GPHN: variants seen among roughly 807,000 people sequenced by gnomAD.
GPHN encodes gephyrin.
Under a neutral mutation model 95.5 loss-of-function variants are expected in GPHN, and 17 were observed. The ratio of observed to expected loss-of-function variants is 0.18; its 90% confidence interval spans 0.12 to 0.27. The LOEUF (loss-of-function observed/expected upper bound fraction) is 0.27. Among genes scored for constraint, GPHN ranks in the 10% least tolerant of loss-of-function variants. GPHN has a pLI of 1.00. For missense variants in GPHN, 660 were observed against 978.1 expected (o/e 0.67, Z 4.34); for synonymous variants, 320 against 322.5 (o/e 0.99, Z 0.08).
the GPHN span, chr14:67,199,123 A>T: frequency 2.9e-6 from 4 of 1,389,712 alleles, no homozygotes; most frequent in East Asian, 9.1e-5. Context: ...GGGGGCCTGA[A>T]TGAGAAGGTT....
intron 7 of GPHN, among the ~76,000 whole-genome samples, chr14:66,923,682 C>G (rs1406139947): frequency 6.6e-6 from 1 of 151,876 alleles, no homozygotes; most frequent in Admixed American, 6.6e-5. Flanking sequence ...CATATCAATT[C>G]TGGAAATTAT....
At chr14:67,157,168 T>C (rs1371306861) in intron 18 of GPHN, among the ~76,000 whole-genome samples, 1 of 152,104 alleles carries the variant, frequency 6.6e-6, no homozygotes, top group Non-Finnish European at 1.5e-5. Context: ...GGTGTAGCTA[T>C]ATTGATAACA....
At chr14:67,208,552 C>A in the GPHN span, 2 of 1,215,008 alleles carry the variant, frequency 1.6e-6, no homozygotes, top group South Asian at 1.6e-5. Context: ...ACTGAAGATT[C>A]TCAGAGACAG....
At chr14:67,306,892 A>G in the GPHN span, among the ~76,000 whole-genome samples, 1 of 152,248 alleles carries the variant, frequency 6.6e-6, no homozygotes, top group Non-Finnish European at 1.5e-5. Flanking sequence ...GAGTATCATT[A>G]TGGTACAGGT....
intron 2 of GPHN, among the ~76,000 whole-genome samples, chr14:66,707,820 A>C (rs2153420206): frequency 6.6e-6 from 1 of 152,304 alleles, no homozygotes; most frequent in South Asian, 2.1e-4. Context: ...AACCCTGTAC[A>C]TTTATTTTAT....
At chr14:66,922,575 A>G in intron 6 of GPHN, 91 bp from the exon 7 acceptor site, 3 of 1,030,586 alleles carry the variant, frequency 2.9e-6, no homozygotes, top group Non-Finnish European at 4.3e-6. Flanking sequence ...GAAAATGCAA[A>G]TCCAAAATCA....
chr14:67,525,106 A>G, the GPHN span, among the ~76,000 whole-genome samples: 2 of 152,216 alleles, frequency 1.3e-5, no homozygotes, highest in Admixed American at 1.3e-4. Context: ...TACTCCTTGT[A>G]AAATGCTTAC....
the GPHN span, among the ~76,000 whole-genome samples, chr14:67,212,655 A>AAT: frequency 6.8e-6 from 1 of 146,784 alleles, no homozygotes; most frequent in African/African-American, 2.5e-5. Context: ...ATATATATAT[A>AAT]ATATATATTT....
chr14:67,562,058 G>T, the GPHN span: 1 of 1,611,516 alleles, frequency 6.2e-7, no homozygotes. Flanking sequence ...GGGTGTGCAG[G>T]TGTGCAGTAC....
the GPHN span, among the ~76,000 whole-genome samples, chr14:67,507,550 G>A: frequency 6.6e-6 from 1 of 152,016 alleles, no homozygotes; most frequent in African/African-American, 2.4e-5. Flanking sequence ...CCAGGCTTAA[G>A]TGATCCTCCC....
intron 17 of GPHN, among the ~76,000 whole-genome samples, chr14:67,127,337 T>C (rs1016478159): frequency 2.4e-4 from 29 of 122,414 alleles, no homozygotes; most frequent in Admixed American, 8.2e-4. Context: ...TTTTGGTTTG[T>C]TTGGGTTTTT....
the GPHN span, among the ~76,000 whole-genome samples, chr14:67,291,197 C>T: frequency 6.7e-6 from 1 of 149,334 alleles, no homozygotes; most frequent in African/African-American, 2.5e-5. Context: ...TGTACACTCA[C>T]ACAGCCTATT....
the GPHN span, chr14:67,470,269 T>G: frequency 6.6e-6 from 1 of 152,224 alleles, no homozygotes; most frequent in African/African-American, 2.4e-5. Context: ...GAGCCAGTCC[T>G]GGAACACAAA....
At chr14:67,674,374 C>A in the GPHN span, 1 of 1,591,590 alleles carries the variant, frequency 6.3e-7, no homozygotes, top group Non-Finnish European at 8.5e-7. Context: ...CCCCGCCTCA[C>A]CGGTCCCCGC....
intron 5 of GPHN, among the ~76,000 whole-genome samples, chr14:66,908,906 A>G (rs1401528960): frequency 6.6e-6 from 1 of 152,024 alleles, no homozygotes; most frequent in Non-Finnish European, 1.5e-5. Flanking sequence ...AAAACAAGGA[A>G]AGCCTGAGCA....
At chr14:67,732,149 A>G in the GPHN span, among the ~76,000 whole-genome samples, 2 of 142,766 alleles carry the variant, frequency 1.4e-5, no homozygotes, top group Non-Finnish European at 3.1e-5. Context: ...AAAAAAAAAA[A>G]TTTAAGGCTG....
the GPHN span, among the ~76,000 whole-genome samples, chr14:67,458,472 G>T: frequency 5.3e-5 from 8 of 152,202 alleles, no homozygotes; most frequent in African/African-American, 1.9e-4. Flanking sequence ...GTGGGTAACA[G>T]TTATCCCCAT....
chr14:67,641,775 A>G, the GPHN span, among the ~76,000 whole-genome samples: 1 of 152,130 alleles, frequency 6.6e-6, no homozygotes, highest in Non-Finnish European at 1.5e-5. Context: ...CCCCATTTCT[A>G]CAAAAAGAAA....
the GPHN span, among the ~76,000 whole-genome samples, chr14:67,330,068 A>C: frequency 6.7e-6 from 1 of 150,096 alleles, no homozygotes; most frequent in South Asian, 2.1e-4. Flanking sequence ...GTAAGAGAGA[A>C]TATATGCCAG....
Sources: gnomAD v4.1 joint callset for allele counts (sites outside exome capture counted in the v4.1 genomes callset) on GRCh38, gnomAD v4.1.1 for gene constraint, MANE v1.5 for transcripts, NCBI Gene and HGNC (gene_info 2026-07-23, HGNC 2026-07-21) for gene names.